The following NAALADL2 variants were observed in gnomAD, a reference collection of about 807,000 sequenced individuals.
NAALADL2 encodes inactive N-acetylated-alpha-linked acidic dipeptidase-like protein 2.
NAALADL2 carries 76 observed loss-of-function variants against 87.2 expected under a neutral mutation model. The observed-to-expected ratio is 0.87, with a 90% CI of 0.72 to 1.05. NAALADL2 has a LOEUF of 1.05. NAALADL2 is among the 50% of genes least tolerant of loss of function. NAALADL2 has a pLI of 0.00. For missense variants in NAALADL2, 1,089 were observed against 945.8 expected, an observed-to-expected ratio of 1.15 and a Z score of -1.99; for synonymous variants, 354 against 331.0, an observed-to-expected ratio of 1.07 and a Z score of -0.75.
intron 4 of NAALADL2, among the ~76,000 whole-genome samples, chr3:175,315,285 T>G (rs915670406): frequency 3.9e-5 from 6 of 152,158 alleles, no homozygotes; most frequent in Non-Finnish European, 8.8e-5. Flanking sequence ...TTACATTGAG[T>G]TAAGCACTTA....
chr3:175,575,819 T>C (rs370063305), intron 9 of NAALADL2, among the ~76,000 whole-genome samples: 15 of 152,336 alleles, frequency 9.8e-5, no homozygotes, highest in African/African-American at 3.4e-4. Context: ...ATGCTAGTTA[T>C]GCTTCAGTGA....
intron 1 of NAALADL2, among the ~76,000 whole-genome samples, chr3:174,871,326 A>G (rs1727793949): frequency 1.3e-5 from 2 of 152,216 alleles, no homozygotes; most frequent in African/African-American, 4.8e-5. Flanking sequence ...CAATAATTCT[A>G]GGCTTAGCCT....
chr3:175,271,949 C>G (rs778321722), intron 4 of NAALADL2, among the ~76,000 whole-genome samples: 51 of 152,128 alleles, frequency 3.4e-4, no homozygotes, highest in Non-Finnish European at 5.7e-4. Flanking sequence ...TCTAGAATAT[C>G]TAATGAATTA....
In NAALADL2 at chr3:174,720,314, G is replaced by A. The variant is rs181257255; in HGVS notation, c.-114-17327G>A. The stretch of plus-strand genomic sequence containing the variant: ...TTTCAATATATTTGTGAATTTTTAA[G>A]AGGAAAAGACACTGACATGGCCATT... On this transcript the variant is annotated intron_variant, in intron 2 of 3. Coordinates refer to the NAALADL2 transcript ENST00000434257. 4.7e-3 allele frequency among the ~76,000 whole-genome samples: 708 copies of A among 152,156 alleles called. 2 individuals carry two copies. Among genetic ancestry groups the A allele is most frequent in the Middle Eastern group, 0.017 (5 of 294 alleles).
At chr3:175,389,837 A>G (rs1170590713) in intron 5 of NAALADL2, among the ~76,000 whole-genome samples, 1 of 152,182 alleles carries the variant, frequency 6.6e-6, no homozygotes, top group African/African-American at 2.4e-5. Flanking sequence ...TCCAGGGGAG[A>G]GAACAATGTT....
chr3:175,319,681 A>G (rs1425361102), intron 4 of NAALADL2, among the ~76,000 whole-genome samples: 1 of 152,096 alleles, frequency 6.6e-6, no homozygotes, highest in Non-Finnish European at 1.5e-5. Context: ...TTAGCCATGC[A>G]TGGTGGTGCG....
intron 11 of NAALADL2, among the ~76,000 whole-genome samples, chr3:175,723,177 C>G (rs1471670107): frequency 1.3e-5 from 2 of 152,094 alleles, no homozygotes; most frequent in African/African-American, 4.8e-5. Context: ...TTGGTCAGAG[C>G]TCTGGCAGCT....
At chr3:175,110,125 C>T (rs1047782929) in intron 2 of NAALADL2, among the ~76,000 whole-genome samples, 2 of 151,832 alleles carry the variant, frequency 1.3e-5, no homozygotes, top group African/African-American at 4.8e-5. Flanking sequence ...TTTCACATTA[C>T]ATACAGAACT....
At chr3:174,932,056 A>G (rs1440850799) in intron 1 of NAALADL2, among the ~76,000 whole-genome samples, 1 of 152,224 alleles carries the variant, frequency 6.6e-6, no homozygotes, top group Non-Finnish European at 1.5e-5. Flanking sequence ...ATGTTCACCA[A>G]TGTCAAGTTT....
At chr3:174,485,793 T>G (rs1395364822) in intron 1 of NAALADL2, among the ~76,000 whole-genome samples, 1 of 152,024 alleles carries the variant, frequency 6.6e-6, no homozygotes, top group African/African-American at 2.4e-5. Flanking sequence ...AATGCTGTAA[T>G]AAACATATGC....
At chr3:174,772,628 A>G (rs1714718692) in intron 3 of NAALADL2, among the ~76,000 whole-genome samples, 1 of 152,168 alleles carries the variant, frequency 6.6e-6, no homozygotes, top group African/African-American at 2.4e-5. Context: ...ACATCATAAT[A>G]ACTCTGACCT....
chr3:174,807,261 C>A (rs1332215060), intron 3 of NAALADL2, among the ~76,000 whole-genome samples: 2 of 151,884 alleles, frequency 1.3e-5, no homozygotes, highest in Admixed American at 6.6e-5. Context: ...TTTTCAGCTT[C>A]TGCTTGTAGT....
At chr3:174,880,690 A>C (rs1317787749) in intron 1 of NAALADL2, among the ~76,000 whole-genome samples, 1 of 151,818 alleles carries the variant, frequency 6.6e-6, no homozygotes, top group African/African-American at 2.4e-5. Context: ...TTACTCCTTC[A>C]CCTTCTTTAA....
chr3:174,773,496 A>G (rs569387016), intron 3 of NAALADL2, among the ~76,000 whole-genome samples: 1 of 152,296 alleles, frequency 6.6e-6, no homozygotes, highest in South Asian at 2.1e-4. Context: ...GGTATACTCC[A>G]TGCTAGTGAT....
chr3:175,107,748 T>TA (rs1723459333), intron 2 of NAALADL2, among the ~76,000 whole-genome samples: 1 of 148,452 alleles, frequency 6.7e-6, no homozygotes, highest in South Asian at 2.1e-4. Context: ...TTTATTTCAT[T>TA]AAAAAATTTC....
chr3:175,117,414 C>CA (rs1725423407), intron 2 of NAALADL2, among the ~76,000 whole-genome samples: 1 of 151,736 alleles, frequency 6.6e-6, no homozygotes, highest in African/African-American at 2.4e-5. Context: ...ACAAATTTAC[C>CA]AGAAAAAATC....
intron 2 of NAALADL2, among the ~76,000 whole-genome samples, chr3:174,656,955 ATAAACT>A (rs1725001361): frequency 6.6e-6 from 1 of 151,664 alleles, no homozygotes; most frequent in African/African-American, 2.4e-5. Context: ...GCTTTCATTC[ATAAACT>A]TAAGAGATAA....
At chr3:174,710,262 GT>G (rs533216185) in intron 2 of NAALADL2, among the ~76,000 whole-genome samples, 1,555 of 108,148 alleles carry the variant, frequency 0.014, 25 homozygotes, top group African/African-American at 0.049. Flanking sequence ...TTTTCTTTTT[GT>G]TTTTTTTTTG....
chr3:175,592,900 TAAAAA>T (rs1009118727), intron 10 of NAALADL2, among the ~76,000 whole-genome samples: 1 of 151,032 alleles, frequency 6.6e-6, no homozygotes, highest in South Asian at 2.1e-4. Flanking sequence ...AATAATAAAA[TAAAAA>T]AAAGAAAAAA....
Sources: gnomAD v4.1 joint callset for allele counts (sites outside exome capture counted in the v4.1 genomes callset) on GRCh38, gnomAD v4.1.1 for gene constraint, MANE v1.5 for transcripts, NCBI Gene and HGNC (gene_info 2026-07-23, HGNC 2026-07-21) for gene names.